The following AMBRA1 variants were observed in gnomAD, a reference collection of about 807,000 sequenced individuals.
AMBRA1 encodes the protein activating molecule in BECN1-regulated autophagy protein 1.
AMBRA1 carries 47 observed loss-of-function variants against 125.4 expected under a neutral mutation model. The ratio of observed to expected loss-of-function variants is 0.37; its 90% confidence interval spans 0.30 to 0.48. The LOEUF (loss-of-function observed/expected upper bound fraction) is 0.48, where lower values mean the gene tolerates loss of function less well. AMBRA1 is among the 20% of genes least tolerant of loss of function. The pLI, the probability that AMBRA1 is intolerant of heterozygous loss-of-function variation, is 0.99. For missense variants in AMBRA1, 1,331 were observed against 1,693.4 expected, an observed-to-expected ratio of 0.79 and a Z score of 3.76; for synonymous variants, 626 against 655.5, an observed-to-expected ratio of 0.95 and a Z score of 0.69.
At chr11:46,507,881 C>A (rs574430068) in intron 9 of AMBRA1, among the ~76,000 whole-genome samples, 2 of 152,306 alleles carry the variant, frequency 1.3e-5, no homozygotes, top group East Asian at 3.9e-4. Context: ...TTTCCACGGT[C>A]ACTGGACATG....
At chr11:46,429,422 A>C (rs952512958) in intron 14 of AMBRA1, among the ~76,000 whole-genome samples, 2 of 152,152 alleles carry the variant, frequency 1.3e-5, no homozygotes, top group African/African-American at 2.4e-5. Flanking sequence ...TGTGCCTACA[A>C]TCCCCACTTA....
intron 7 of AMBRA1, among the ~76,000 whole-genome samples, chr11:46,525,019 G>C (rs764255347): frequency 2.0e-5 from 3 of 152,220 alleles, no homozygotes; most frequent in Admixed American, 2.0e-4. Context: ...ACAGATGTGG[G>C]CTGGGCATGA....
At chr11:46,578,013 C>A (rs1234702289) in intron 1 of AMBRA1, among the ~76,000 whole-genome samples, 1 of 152,086 alleles carries the variant, frequency 6.6e-6, no homozygotes, top group Non-Finnish European at 1.5e-5. Flanking sequence ...TACCTGTAAT[C>A]CAGCTACTTG....
At chr11:46,475,063 T>C (rs2136896989) in intron 11 of AMBRA1, among the ~76,000 whole-genome samples, 1 of 152,256 alleles carries the variant, frequency 6.6e-6, no homozygotes, top group Middle Eastern at 3.4e-3. Flanking sequence ...ATTGAATATA[T>C]CTTAAACTGA....
At chr11:46,466,813 T>C (rs1235132269) in intron 11 of AMBRA1, among the ~76,000 whole-genome samples, 2 of 152,200 alleles carry the variant, frequency 1.3e-5, no homozygotes, top group African/African-American at 4.8e-5. Flanking sequence ...CCCACCCTCC[T>C]TGATTTCTGT....
At chr11:46,540,049 C>A (rs1952661622) in intron 7 of AMBRA1, among the ~76,000 whole-genome samples, 1 of 152,176 alleles carries the variant, frequency 6.6e-6, no homozygotes, top group African/African-American at 2.4e-5. Flanking sequence ...CCAGGCTGGT[C>A]TCGAACTCCT....
chr11:46,413,334 A>C (rs994316327), intron 15 of AMBRA1, among the ~76,000 whole-genome samples: 8 of 152,138 alleles, frequency 5.3e-5, no homozygotes, highest in Non-Finnish European at 1.0e-4. Flanking sequence ...CCCCACAAAC[A>C]GGTCTAATTC....
intron 11 of AMBRA1, among the ~76,000 whole-genome samples, chr11:46,456,417 T>C (rs1475428163): frequency 2.6e-5 from 4 of 152,082 alleles, no homozygotes; most frequent in Non-Finnish European, 5.9e-5. Context: ...CTTAGGTGGG[T>C]CCCTAGGTGA....
At chr11:46,569,438 AAAATAT>A (rs1465238016) in intron 1 of AMBRA1, among the ~76,000 whole-genome samples, 1 of 134,272 alleles carries the variant, frequency 7.4e-6, no homozygotes, top group Non-Finnish European at 1.5e-5. Flanking sequence ...TAAAAAAAAA[AAAATAT>A]ATATATATAT....
chr11:46,448,020 T>C (rs1948393687), intron 11 of AMBRA1, among the ~76,000 whole-genome samples: 1 of 152,218 alleles, frequency 6.6e-6, no homozygotes, highest in African/African-American at 2.4e-5. Context: ...ACACTACTAC[T>C]TACATCAGCA....
intron 9 of AMBRA1, among the ~76,000 whole-genome samples, chr11:46,505,506 A>G (rs935585844): frequency 6.6e-6 from 1 of 152,206 alleles, no homozygotes; most frequent in Non-Finnish European, 1.5e-5. Flanking sequence ...ACATCAGCCC[A>G]AAAAGAAAGG....
intron 14 of AMBRA1, among the ~76,000 whole-genome samples, chr11:46,426,710 A>T (rs921031198): frequency 6.6e-6 from 1 of 152,184 alleles, no homozygotes; most frequent in African/African-American, 2.4e-5. Context: ...CTTTTTGAGG[A>T]TAGATGCTTT....
Position 46,424,667 on chromosome 11 carries a change from C to T in AMBRA1, c.2977-6615G>A, listed in dbSNP as rs1029029715. On this transcript the variant is annotated intron_variant, in intron 14 of 17. Coordinates refer to ENST00000683756, the MANE Select transcript of AMBRA1 (RefSeq NM_001387011.1). ...TTCAAGACCAACCTAGCTGACATAG[C>T]AGGATCTGTGTGTCTCCAAATAAAC... 4.6e-5 allele frequency among the ~76,000 whole-genome samples: 7 copies of T among 152,104 alleles called. No homozygotes were observed. The East Asian group carries it at 1.4e-3, about 29-fold the overall frequency.
chr11:46,398,210 G>A (rs962124841), intron 17 of AMBRA1, among the ~76,000 whole-genome samples: 1 of 152,242 alleles, frequency 6.6e-6, no homozygotes, highest in Admixed American at 6.5e-5. Flanking sequence ...GAAGGCAGCA[G>A]GTTGGCCTCA....
chr11:46,518,659 G>A (rs959490946), intron 7 of AMBRA1, among the ~76,000 whole-genome samples: 6 of 151,936 alleles, frequency 3.9e-5, no homozygotes, highest in African/African-American at 1.2e-4. Flanking sequence ...GAAGATGTTC[G>A]CCCATTTCTG....
At chr11:46,429,444 G>C (rs1015603181) in intron 14 of AMBRA1, among the ~76,000 whole-genome samples, 1 of 152,194 alleles carries the variant, frequency 6.6e-6, no homozygotes, top group Non-Finnish European at 1.5e-5. Context: ...TGGGAGGTGG[G>C]GGGGTGGTCC....
chr11:46,566,151 G>C (rs1417716094), intron 1 of AMBRA1, among the ~76,000 whole-genome samples: 2 of 152,172 alleles, frequency 1.3e-5, no homozygotes, highest in Non-Finnish European at 2.9e-5. Context: ...CAGGGCGCTA[G>C]CTCACACCTT....
chr11:46,564,621 TAGAA>T (rs1379260414), intron 1 of AMBRA1, among the ~76,000 whole-genome samples: 5 of 151,932 alleles, frequency 3.3e-5, no homozygotes, highest in African/African-American at 7.3e-5. Flanking sequence ...AAGTCATAAT[TAGAA>T]AGAGCTGATT....
At chr11:46,576,864 CT>C (rs1441271893) in intron 1 of AMBRA1, among the ~76,000 whole-genome samples, 4 of 152,188 alleles carry the variant, frequency 2.6e-5, no homozygotes, top group Non-Finnish European at 5.9e-5. Context: ...CTGACTTGCT[CT>C]GAAGATGATA....
Sources: gnomAD v4.1 joint callset for allele counts (sites outside exome capture counted in the v4.1 genomes callset) on GRCh38, gnomAD v4.1.1 for gene constraint, MANE v1.5 for transcripts, NCBI Gene and HGNC (gene_info 2026-07-23, HGNC 2026-07-21) for gene names.